The following SOX5 variants were observed in gnomAD, a reference collection of about 807,000 sequenced individuals.
SOX5 encodes the protein transcription factor SOX-5.
SOX5 carries 9 observed loss-of-function variants against 92.0 expected under a neutral mutation model. The observed-to-expected ratio is 0.10, with a 90% CI of 0.06 to 0.17. SOX5 has a LOEUF of 0.17. SOX5 is among the 10% of genes least tolerant of loss of function. The pLI, the probability that SOX5 is intolerant of heterozygous loss-of-function variation, is 1.00. For synonymous variants in SOX5, 344 were observed against 336.3 expected (o/e 1.02, Z -0.25); for missense variants, 642 against 944.5 (o/e 0.68, Z 4.20).
At chr12:23,799,472 C>T (rs1470654869) in intron 3 of SOX5, among the ~76,000 whole-genome samples, 2 of 151,924 alleles carry the variant, frequency 1.3e-5, no homozygotes, top group Non-Finnish European at 2.9e-5. Flanking sequence ...GTAGGCACAC[C>T]CTACCCATAG....
chr12:24,344,845 A>G (rs2141105364), intron 2 of SOX5, among the ~76,000 whole-genome samples: 1 of 152,352 alleles, frequency 6.6e-6, no homozygotes, highest in Admixed American at 6.5e-5. Flanking sequence ...ATAGCATCTT[A>G]TTGAAAATGT....
At chr12:24,171,823 C>A (rs1285815157) in intron 4 of SOX5, among the ~76,000 whole-genome samples, 1 of 151,798 alleles carries the variant, frequency 6.6e-6, no homozygotes, top group African/African-American at 2.4e-5. Context: ...CACAGCAAGA[C>A]CCTGTCTCTA....
chr12:24,026,344 T>C (rs968252521), intron 4 of SOX5, among the ~76,000 whole-genome samples: 5 of 152,022 alleles, frequency 3.3e-5, no homozygotes, highest in Admixed American at 2.6e-4. Context: ...CCAAGAACTT[T>C]TTAAAAAAAT....
At chr12:24,005,975 T>C (rs1952112489) in intron 4 of SOX5, among the ~76,000 whole-genome samples, 1 of 152,176 alleles carries the variant, frequency 6.6e-6, no homozygotes, top group South Asian at 2.1e-4. Context: ...GCTTGAACCT[T>C]CAATCTGCAC....
chr12:23,567,643 A>C (rs1039379534), intron 10 of SOX5, among the ~76,000 whole-genome samples: 13 of 151,690 alleles, frequency 8.6e-5, no homozygotes, highest in African/African-American at 2.7e-4. Context: ...TTTTGTAGAG[A>C]TGGAGTCTTG....
chr12:24,194,268 G>A (rs1490170945), intron 4 of SOX5, among the ~76,000 whole-genome samples: 1 of 152,018 alleles, frequency 6.6e-6, no homozygotes, highest in Non-Finnish European at 1.5e-5. Flanking sequence ...CTCTGTGGGG[G>A]GTGATGGAAG....
intron 4 of SOX5, among the ~76,000 whole-genome samples, chr12:24,085,198 G>C (rs1943832201): frequency 1.3e-5 from 2 of 152,146 alleles, no homozygotes; most frequent in Non-Finnish European, 2.9e-5. Flanking sequence ...TGGCCAGGAA[G>C]AGGGGCAACA....
At chr12:24,238,416 A>T (rs924348058) in intron 3 of SOX5, among the ~76,000 whole-genome samples, 2 of 152,134 alleles carry the variant, frequency 1.3e-5, no homozygotes, top group African/African-American at 4.8e-5. Context: ...CAGGGGCATG[A>T]CCTCAGGTCA....
At chr12:24,518,802 C>A (rs1295456791) in intron 1 of SOX5, among the ~76,000 whole-genome samples, 1 of 152,154 alleles carries the variant, frequency 6.6e-6, no homozygotes, top group Non-Finnish European at 1.5e-5. Flanking sequence ...CTCTGTTCAA[C>A]CATATGCTTC....
chr12:24,525,718 A>G (rs1339897991), intron 1 of SOX5, among the ~76,000 whole-genome samples: 1 of 151,740 alleles, frequency 6.6e-6, no homozygotes, highest in African/African-American at 2.4e-5. Context: ...AAAAATACCA[A>G]AAAAATAGCC....
chr12:24,023,366 GATGA>G (rs1453391900), intron 4 of SOX5, among the ~76,000 whole-genome samples: 2 of 152,056 alleles, frequency 1.3e-5, no homozygotes, highest in Non-Finnish European at 2.9e-5. Flanking sequence ...TCAGAAACTG[GATGA>G]ATGTTAAATT....
intron 4 of SOX5, among the ~76,000 whole-genome samples, chr12:24,043,423 C>T (rs1487114173): frequency 2.0e-5 from 3 of 152,182 alleles, no homozygotes; most frequent in Admixed American, 2.0e-4. Context: ...TATAAAAACA[C>T]ATTGCCCACC....
At chr12:23,630,454 C>G (rs1290286199) in intron 8 of SOX5, among the ~76,000 whole-genome samples, 1 of 151,816 alleles carries the variant, frequency 6.6e-6, no homozygotes, top group African/African-American at 2.4e-5. Flanking sequence ...GACATTTTGT[C>G]TCAGTTTTAT....
intron 8 of SOX5, among the ~76,000 whole-genome samples, chr12:23,630,988 C>A (rs4963705): frequency 0.65 from 98,444 of 151,796 alleles, 31,955 homozygotes; most frequent in African/African-American, 0.69. Flanking sequence ...TAATTAAGTA[C>A]ATTTTTCTGT....
chr12:23,692,106 C>T (rs1199282879), intron 6 of SOX5, among the ~76,000 whole-genome samples: 3 of 152,008 alleles, frequency 2.0e-5, no homozygotes, highest in Admixed American at 6.6e-5. Context: ...TTTCCTGCCT[C>T]CTAAAATTCT....
chr12:23,785,369 C>T (rs1364405247), intron 3 of SOX5, among the ~76,000 whole-genome samples: 1 of 151,982 alleles, frequency 6.6e-6, no homozygotes, highest in Non-Finnish European at 1.5e-5. Flanking sequence ...AGTATAAATG[C>T]TGAATTGGTG....
At chr12:23,705,673 A>T (rs558296806) in intron 6 of SOX5, among the ~76,000 whole-genome samples, 1 of 152,192 alleles carries the variant, frequency 6.6e-6, no homozygotes, top group African/African-American at 2.4e-5. Flanking sequence ...AACCACCTTA[A>T]CTGTGGCTCA....
At chr12:23,545,897 G>A (rs1019931534) in intron 12 of SOX5, among the ~76,000 whole-genome samples, 1 of 151,534 alleles carries the variant, frequency 6.6e-6, no homozygotes, top group Non-Finnish European at 1.5e-5. Context: ...CAAAATTGCT[G>A]GGCATGTTGG....
intron 4 of SOX5, among the ~76,000 whole-genome samples, chr12:24,116,676 A>G (rs2900529): frequency 6.6e-6 from 1 of 152,162 alleles, no homozygotes; most frequent in East Asian, 1.9e-4. Flanking sequence ...TTCCACATTA[A>G]GAATTCCTGA....
Sources: allele counts gnomAD v4.1 joint callset (sites outside exome capture counted in the v4.1 genomes callset), GRCh38; gene constraint gnomAD v4.1.1; transcripts MANE v1.5; gene names NCBI Gene and HGNC (gene_info 2026-07-23, HGNC 2026-07-21).